The following ARHGEF3 variants were observed in gnomAD, a reference collection of about 807,000 sequenced individuals.
The protein encoded by ARHGEF3 is 59.8 kDA protein.
In ARHGEF3, 28 loss-of-function variants were observed where a neutral mutation model predicts 63.2. The observed-to-expected ratio is 0.44, with a 90% CI of 0.33 to 0.61. The LOEUF is 0.61. Among genes scored for constraint, ARHGEF3 ranks in the 20% least tolerant of loss-of-function variants. The pLI is 0.03. For synonymous variants in ARHGEF3, 266 were observed against 254.2 expected, an observed-to-expected ratio of 1.05 and a Z score of -0.44; for missense variants, 533 against 659.3, an observed-to-expected ratio of 0.81 and a Z score of 2.10.
chr3:56,946,706 G>A (rs1357653142), intron 3 of ARHGEF3, among the ~76,000 whole-genome samples: 1 of 152,186 alleles, frequency 6.6e-6, no homozygotes, highest in Admixed American at 6.5e-5. Flanking sequence ...ACACTCTGCA[G>A]GATATTATCC....
intron 3 of ARHGEF3, among the ~76,000 whole-genome samples, chr3:56,897,521 T>C (rs1198888951): frequency 1.3e-5 from 2 of 152,080 alleles, no homozygotes; most frequent in African/African-American, 4.8e-5. Context: ...TGTATAACCA[T>C]GAACTCATTC....
chr3:56,914,253 G>C (rs1252297731), intron 3 of ARHGEF3, among the ~76,000 whole-genome samples: 1 of 152,094 alleles, frequency 6.6e-6, no homozygotes, highest in Admixed American at 6.6e-5. Flanking sequence ...CCAAATACTA[G>C]CTGTACTCTA....
chr3:56,769,270 C>T (rs546839516), intron 2 of ARHGEF3, among the ~76,000 whole-genome samples: 13 of 152,266 alleles, frequency 8.5e-5, no homozygotes, highest in African/African-American at 3.1e-4. Context: ...GCTCAGGGAG[C>T]GACTGGCCAA....
At chr3:57,037,494 G>C (rs77058913) in intron 1 of ARHGEF3, among the ~76,000 whole-genome samples, 1,837 of 152,330 alleles carry the variant, frequency 0.012, 38 homozygotes, top group African/African-American at 0.042. Context: ...CTGCCTTTGA[G>C]GGGCCACTGG....
intron 4 of ARHGEF3, among the ~76,000 whole-genome samples, chr3:56,816,853 T>C (rs1218341254): frequency 6.6e-6 from 1 of 151,590 alleles, no homozygotes; most frequent in Non-Finnish European, 1.5e-5. Context: ...AACCAGGGAG[T>C]CCTGAGGCCA....
chr3:57,012,353 G>A (rs560932038), intron 2 of ARHGEF3, among the ~76,000 whole-genome samples: 2 of 152,114 alleles, frequency 1.3e-5, no homozygotes, highest in African/African-American at 2.4e-5. Flanking sequence ...CCACCTCCCG[G>A]GTTTAAGTGA....
At chr3:56,733,225 G>A (rs1362334852) in intron 8 of ARHGEF3, among the ~76,000 whole-genome samples, 1 of 150,834 alleles carries the variant, frequency 6.6e-6, no homozygotes, top group East Asian at 2.0e-4. Context: ...GGAGCTTGCA[G>A]TGAGCTGAGG....
At chr3:56,846,475 C>CT (rs1436074187) in intron 4 of ARHGEF3, among the ~76,000 whole-genome samples, 4 of 152,046 alleles carry the variant, frequency 2.6e-5, no homozygotes, top group African/African-American at 9.7e-5. Context: ...GATAAAAAAA[C>CT]TTTTTTTAAT....
At chr3:56,985,847 G>A (rs1054771083) in intron 2 of ARHGEF3, among the ~76,000 whole-genome samples, 55 of 152,174 alleles carry the variant, frequency 3.6e-4, no homozygotes, top group Non-Finnish European at 6.6e-4. Context: ...GTGGGGCTGG[G>A]GGTGGGCAAG....
At position 56,946,298 on chromosome 3, in the gene ARHGEF3, GAGA is replaced by G. The variant is rs1699494909; in HGVS notation, c.129+12522_129+12524del. 1.3e-5 allele frequency among the ~76,000 whole-genome samples: 2 copies of G among 152,196 alleles called. 1 individual carries two copies. The highest frequency in any genetic ancestry group is 4.1e-4 in the South Asian group (2 of 4,826). ...ATGGAGAATGACTTTGACGAGTTGA[GAGA>G]AGAAGGCTTCAGAAGATCAAACTAC... On this transcript the variant is annotated intron_variant, in intron 3 of 12. Coordinates refer to the ARHGEF3 transcript ENST00000338458.
At chr3:56,972,276 A>ATTG (rs1700947458) in intron 2 of ARHGEF3, among the ~76,000 whole-genome samples, 1 of 152,104 alleles carries the variant, frequency 6.6e-6, no homozygotes, top group Non-Finnish European at 1.5e-5. Flanking sequence ...TTCCAACTTG[A>ATTG]AAATGGATAT....
At chr3:57,002,506 A>AAATATATGTTATGT (rs1702281527) in intron 2 of ARHGEF3, among the ~76,000 whole-genome samples, 2 of 76,376 alleles carry the variant, frequency 2.6e-5, no homozygotes, top group Non-Finnish European at 5.9e-5. Flanking sequence ...TGTTATATAT[A>AAATATATGTTATGT]TATATATGTT....
chr3:56,763,798 C>T (rs1294689113), intron 2 of ARHGEF3, among the ~76,000 whole-genome samples: 3 of 151,778 alleles, frequency 2.0e-5, no homozygotes, highest in Admixed American at 1.3e-4. Context: ...TAGTCTTGAA[C>T]TCCTGGCCTC....
chr3:56,817,114 G>A (rs150886717), intron 4 of ARHGEF3, among the ~76,000 whole-genome samples: 66 of 152,214 alleles, frequency 4.3e-4, no homozygotes, highest in African/African-American at 1.3e-3. Context: ...CACCTTCCAC[G>A]AGGGAGAACC....
At chr3:57,062,443 G>A (rs1159733038) in intron 1 of ARHGEF3, among the ~76,000 whole-genome samples, 1 of 152,200 alleles carries the variant, frequency 6.6e-6, no homozygotes, top group Non-Finnish European at 1.5e-5. Context: ...CTAGGCTCAG[G>A]AGCACGGCGG....
intron 2 of ARHGEF3, among the ~76,000 whole-genome samples, chr3:56,979,120 C>A (rs2106891282): frequency 6.6e-6 from 1 of 152,338 alleles, no homozygotes; most frequent in Non-Finnish European, 1.5e-5. Flanking sequence ...CACCATTGTA[C>A]TCCAGCCTGG....
At chr3:56,737,152 G>A (rs781500411) in intron 8 of ARHGEF3, 33 bp downstream of exon 8, 18 of 1,581,808 alleles carry the variant, frequency 1.1e-5, no homozygotes, top group Non-Finnish European at 1.3e-5. Flanking sequence ...TACGGGAGGC[G>A]GATAAGACTG....
At chr3:56,942,031 C>A (rs990989067) in intron 3 of ARHGEF3, among the ~76,000 whole-genome samples, 1 of 152,150 alleles carries the variant, frequency 6.6e-6, no homozygotes, top group African/African-American at 2.4e-5. Flanking sequence ...GAAGTTTTCC[C>A]ATTTGAAAAC....
chr3:56,825,066 C>T (rs1213523863), intron 4 of ARHGEF3, among the ~76,000 whole-genome samples: 3 of 152,188 alleles, frequency 2.0e-5, no homozygotes, highest in Non-Finnish European at 4.4e-5. Context: ...CAGTAATTTG[C>T]TCTGAGACCC....
Sources: allele counts gnomAD v4.1 joint callset (sites outside exome capture counted in the v4.1 genomes callset), GRCh38; gene constraint gnomAD v4.1.1; transcripts MANE v1.5; gene names NCBI Gene and HGNC (gene_info 2026-07-23, HGNC 2026-07-21).